CEP128: variants seen among roughly 807,000 people sequenced by gnomAD.
CEP128 encodes centrosomal protein 128kDa.
Under a neutral mutation model 156.7 loss-of-function variants are expected in CEP128, and 132 were observed. The observed-to-expected ratio is 0.84, with a 90% CI of 0.73 to 0.97. The LOEUF is 0.97. CEP128 is among the 50% of genes least tolerant of loss of function. The pLI, the probability that CEP128 is intolerant of heterozygous loss-of-function variation, is 0.00. For missense variants in CEP128, 1,252 were observed against 1,281.9 expected (o/e 0.98, Z 0.36); for synonymous variants, 469 against 448.9 (o/e 1.04, Z -0.57).
chr14:80,636,437 T>C (rs890842465), intron 19 of CEP128, among the ~76,000 whole-genome samples: 2 of 152,198 alleles, frequency 1.3e-5, no homozygotes, highest in African/African-American at 4.8e-5. Context: ...CAGCTCAAAA[T>C]GCCTCTCATT....
chr14:80,898,906 T>C (rs1255294508), intron 7 of CEP128, among the ~76,000 whole-genome samples: 1 of 152,170 alleles, frequency 6.6e-6, no homozygotes, highest in Non-Finnish European at 1.5e-5. Flanking sequence ...GAACAGAGGC[T>C]TTGGGGCCTT....
At chr14:80,786,008 T>C (rs1471500669) in intron 14 of CEP128, among the ~76,000 whole-genome samples, 2 of 152,066 alleles carry the variant, frequency 1.3e-5, no homozygotes, top group African/African-American at 4.8e-5. Context: ...AGCATGCAGA[T>C]ACAATACAAG....
At chr14:80,491,406 G>T (rs1366984317) in intron 6 of CEP128, among the ~76,000 whole-genome samples, 1 of 152,028 alleles carries the variant, frequency 6.6e-6, no homozygotes, top group Non-Finnish European at 1.5e-5. Flanking sequence ...ATTTTACTCA[G>T]GCCAGAGGGG....
chr14:80,944,857 ACAGAAAAAACAGAAC>A (rs1566731132), upstream of CEP128, among the ~76,000 whole-genome samples: 1 of 81,478 alleles, frequency 1.2e-5, no homozygotes, highest in Non-Finnish European at 2.5e-5. Flanking sequence ...AAAAAAAAAA[ACAGAAAAAACAGAAC>A]AAAACAAAAA....
At chr14:80,635,081 C>G (rs1894124333) in intron 19 of CEP128, among the ~76,000 whole-genome samples, 1 of 152,190 alleles carries the variant, frequency 6.6e-6, no homozygotes, top group African/African-American at 2.4e-5. Flanking sequence ...CCAGTTCTCT[C>G]TGATCAATCC....
At chr14:80,629,370 T>C (rs572926408) in intron 19 of CEP128, among the ~76,000 whole-genome samples, 1 of 152,296 alleles carries the variant, frequency 6.6e-6, no homozygotes, top group East Asian at 1.9e-4. Context: ...ACTTGATAAA[T>C]TGCATTTTCT....
intron 24 of CEP128, among the ~76,000 whole-genome samples, chr14:80,499,125 C>T (rs1162043351): frequency 1.3e-5 from 2 of 152,288 alleles, no homozygotes; most frequent in South Asian, 4.1e-4. Context: ...GGACAAGAAA[C>T]AATTTTATTG....
chr14:80,831,115 G>A (rs751965274), intron 13 of CEP128, 28 bp downstream of exon 13: 7 of 1,600,492 alleles, frequency 4.4e-6, no homozygotes, highest in Middle Eastern at 1.7e-4. Flanking sequence ...AAAATATTTC[G>A]AATATGACTT....
intron 21 of CEP128, among the ~76,000 whole-genome samples, chr14:80,557,369 AT>A (rs1376997310): frequency 6.6e-6 from 1 of 152,232 alleles, no homozygotes; most frequent in Non-Finnish European, 1.5e-5. Context: ...TTAGAGAAAA[AT>A]GATAAAATAA....
At chr14:80,718,586 A>G (rs1897696789) in intron 19 of CEP128, among the ~76,000 whole-genome samples, 1 of 152,246 alleles carries the variant, frequency 6.6e-6, no homozygotes, top group Non-Finnish European at 1.5e-5. Context: ...GCAGGAGTGG[A>G]GCCACCATTT....
chr14:80,536,860 G>A (rs571627088), intron 21 of CEP128, among the ~76,000 whole-genome samples: 2 of 152,200 alleles, frequency 1.3e-5, no homozygotes, highest in East Asian at 1.9e-4. Context: ...TTTTATGAGC[G>A]GTCTAAAAAA....
Position 80,785,239 on chromosome 14 carries a change from G to A in CEP128, c.1867C>T (p.Gln623Ter), listed in dbSNP as rs749370480. 6.2e-7 allele frequency: 1 copy of A among 1,614,002 alleles called. No individual in the cohort carries two copies. The highest frequency in any genetic ancestry group is 1.3e-5 in the African/African-American group (1 of 74,916). The change falls in exon 15 of 25, where the codon CAG becomes TAG. Residue 623 changes from glutamine (Q) to a stop codon, truncating the protein, a stop_gained. Coordinates refer to ENST00000555265, the MANE Select transcript of CEP128 (RefSeq NM_152446.5). LOFTEE classifies it high-confidence loss of function. ...AGAAGTTTAGCTTTGTCCTGGGCCT[G>A]GCTCTTCTTGAGCTCTGCAATTTCT... Reference protein sequence around the residue: ...EEEIAELKKSQAQDKAKLLEM... With the variant: ...EEEIAELKKS
chr14:80,676,224 A>G (rs551248670), intron 19 of CEP128, among the ~76,000 whole-genome samples: 1 of 152,234 alleles, frequency 6.6e-6, no homozygotes, highest in South Asian at 2.1e-4. Context: ...TTATATTTAA[A>G]GTATTTTAAA....
chr14:80,714,789 T>TA (rs1031388342), intron 19 of CEP128, among the ~76,000 whole-genome samples: 131 of 147,072 alleles, frequency 8.9e-4, no homozygotes, highest in African/African-American at 3.1e-3. Flanking sequence ...GATCAAGACT[T>TA]AAAAAAAAAA....
intron 24 of CEP128, among the ~76,000 whole-genome samples, 191 bp from the exon 25 acceptor site, chr14:80,497,773 C>T (rs531434714): frequency 3.3e-5 from 5 of 152,128 alleles, no homozygotes; most frequent in East Asian, 1.9e-4. Context: ...AAAAAAAACA[C>T]GAGAATTAAA....
At chr14:80,779,409 A>T (rs916957276) in intron 15 of CEP128, among the ~76,000 whole-genome samples, 1 of 152,232 alleles carries the variant, frequency 6.6e-6, no homozygotes, top group Non-Finnish European at 1.5e-5. Flanking sequence ...TCCTATATTC[A>T]CAGCCCAAAA....
At chr14:80,732,030 G>A (rs1365568451) in intron 19 of CEP128, among the ~76,000 whole-genome samples, 1 of 152,014 alleles carries the variant, frequency 6.6e-6, no homozygotes, top group African/African-American at 2.4e-5. Flanking sequence ...AGAGGTAGGA[G>A]GGAAATCTGT....
intron 13 of CEP128, among the ~76,000 whole-genome samples, chr14:80,808,229 T>C (rs1268340388): frequency 1.3e-5 from 2 of 152,140 alleles, no homozygotes; most frequent in African/African-American, 2.4e-5. Flanking sequence ...GCACAGCCAA[T>C]ACAGTAGCCA....
intron 13 of CEP128, among the ~76,000 whole-genome samples, chr14:80,815,817 C>A (rs1884818962): frequency 6.6e-6 from 1 of 152,082 alleles, no homozygotes; most frequent in African/African-American, 2.4e-5. Flanking sequence ...TTAAGTGAAA[C>A]AACTCAAAAA....
Sources: allele counts gnomAD v4.1 joint callset (sites outside exome capture counted in the v4.1 genomes callset), GRCh38; gene constraint gnomAD v4.1.1; transcripts MANE v1.5; gene names NCBI Gene and HGNC (gene_info 2026-07-23, HGNC 2026-07-21).